Variants in COX6B2 observed in about 807,000 individuals in gnomAD.
COX6B2 encodes the protein cytochrome c oxidase subunit 6B2.
COX6B2 carries 12 observed loss-of-function variants against 13.7 expected under a neutral mutation model. The ratio of observed to expected loss-of-function variants is 0.87; its 90% confidence interval spans 0.56 to 1.41. COX6B2 has a LOEUF of 1.41. COX6B2 is among the 40% of genes most tolerant of loss of function. COX6B2 has a pLI of 0.00. For synonymous variants in COX6B2, 56 were observed against 46.6 expected (o/e 1.20, Z -0.82); for missense variants, 130 against 118.3 (o/e 1.10, Z -0.46).
Position 55,353,932 on chromosome 19 carries a change from G to C in COX6B2, c.147C>G (p.Arg49=). Reference sequence around the variant, plus strand: ...ACTCGCAGGGCTGCGTGCTCTTCCCGCGGCGGGTCCTGGTCTTGAGGCAGC... The same window carrying C: ...ACTCGCAGGGCTGCGTGCTCTTCCCCCGGCGGGTCCTGGTCTTGAGGCAGC... ...YHRCLKTRTR[R]GKSTQPCEYY... The change falls in exon 3 of 5, where the codon CGC becomes CGG. Residue 49 remains arginine (R), a synonymous_variant. Coordinates refer to ENST00000326529, the MANE Select transcript of COX6B2 (RefSeq NM_144613.5). 1 of 1,561,034 alleles carries C rather than the reference G, an allele frequency of 6.4e-7. No homozygotes were observed. Among genetic ancestry groups the C allele is most frequent in the Non-Finnish European group, 8.7e-7 (1 of 1,155,032 alleles).
In COX6B2 at chr19:55,353,930, C is replaced by G; in HGVS notation, c.149G>C (p.Gly50Ala). Reference sequence around the variant, plus strand: ...GTACTCGCAGGGCTGCGTGCTCTTCCCGCGGCGGGTCCTGGTCTTGAGGCA... The same window carrying G: ...GTACTCGCAGGGCTGCGTGCTCTTCGCGCGGCGGGTCCTGGTCTTGAGGCA... ...HRCLKTRTRR[G>A]KSTQPCEYYF... Residue 50 changes from glycine (G) to alanine (A), a missense_variant, in exon 3 of 5, where the codon GGG becomes GCG. Coordinates refer to ENST00000326529, the MANE Select transcript of COX6B2 (RefSeq NM_144613.5). The G allele has an allele frequency of 6.4e-7, 1 of 1,561,316 alleles. No individual in the cohort carries two copies. The highest frequency in any genetic ancestry group is 8.7e-7 in the Non-Finnish European group (1 of 1,155,080).
rs193082166 is a variant in COX6B2 at position 55,352,081 on chromosome 19, C to T, written c.*115-1281G>A. The T allele has an allele frequency of 3.9e-5, 6 of 152,422 alleles. No homozygotes were observed. The highest frequency in any genetic ancestry group is 7.2e-5 in the African/African-American group (3 of 41,524). The allele number at this position is 152,422 out of a possible 1,614,324, so 9.4% of individuals were successfully genotyped here. ...TGGCACCCTGTGCTTGGGATGTTAC[C>T]TGGGTGACCTCACCAACTTAGCTCC... On this transcript the variant is annotated intron_variant, in intron 4 of 4. Transcript: ENST00000326529. The surrounding 1 kb of genome is among the most constrained non-coding windows in gnomAD (Gnocchi z 6.2).
In COX6B2 at chr19:55,353,926, C is replaced by A. The variant is rs1247122432; in HGVS notation, c.153G>T (p.Lys51Asn). 1.3e-6 allele frequency: 2 copies of A among 1,568,128 alleles called. No homozygotes were observed. Among genetic ancestry groups the A allele is most frequent in the Non-Finnish European group, 1.7e-6 (2 of 1,159,022 alleles). The change falls in exon 3 of 5, where the codon AAG (lysine) becomes AAT (asparagine). Residue 51 changes from lysine to asparagine, a missense_variant. Coordinates refer to ENST00000326529, the MANE Select transcript of COX6B2 (RefSeq NM_144613.5). ...RCLKTRTRRG[K>N]STQPCEYYFR... The stretch of plus-strand genomic sequence containing the variant: ...AATAGTACTCGCAGGGCTGCGTGCT[C>A]TTCCCGCGGCGGGTCCTGGTCTTGA...
intron 2 of COX6B2, 24 bp downstream of exon 2, chr19:55,354,386 A>C: frequency 6.4e-7 from 1 of 1,559,552 alleles, no homozygotes. Flanking sequence ...TGCTCCTCCC[A>C]TAACCTGGCT....
chr19:55,354,033 T>A, intron 2 of COX6B2, 67 bp from the exon 3 acceptor site: 1 of 1,358,150 alleles, frequency 7.4e-7, no homozygotes, highest in Non-Finnish European at 1.0e-6. Flanking sequence ...CCTCCACTGC[T>A]CGGGCCCTCC....
At chr19:55,353,561 C>T in intron 4 of COX6B2, 46 bp downstream of exon 4, 1 of 703,806 alleles carries the variant, frequency 1.4e-6, no homozygotes, top group Non-Finnish European at 2.4e-6. Context: ...ACCACCACGA[C>T]GCATCGCTGG....
Position 55,353,859 on chromosome 19 carries a change from G to A in COX6B2, c.213+7C>T, listed in dbSNP as rs1296957399. 2.8e-5 allele frequency: 44 copies of A among 1,578,188 alleles called. No homozygotes were observed. Among genetic ancestry groups the A allele is most frequent in the Non-Finnish European group, 3.8e-5 (44 of 1,162,694 alleles). ...CGCCTGGCCCGGCGCCCCCTCTGCC[G>A]ACTCACCCAGCTGATGGGGCACAGC... On this transcript the variant is annotated splice_region_variant and intron_variant, in intron 3 of 4. Coordinates refer to ENST00000326529, the MANE Select transcript of COX6B2 (RefSeq NM_144613.5).
Position 55,354,449 on chromosome 19 carries a change from TGG to T in COX6B2, c.71_72del (p.Pro24GlnfsTer7). On this transcript the variant is annotated frameshift_variant, in exon 2 of 5. Coordinates refer to ENST00000326529, the MANE Select transcript of COX6B2 (RefSeq NM_144613.5). LOFTEE classifies it high-confidence loss of function. ...TAGCAGTTACGGATCTGGTTCTGGC[TGG>T]GGAAGCGCGGGTCGAAGGGCGGCGT... Reference protein sequence around the residue: ...WSTPPFDPRFPSQNQIRNCYQ... With the variant: ...WSTPPFDPRFXSQNQIRNCYQ... The T allele has an allele frequency of 6.2e-7, 1 of 1,614,030 alleles. No homozygotes were observed. The highest frequency in any genetic ancestry group is 1.1e-5 in the South Asian group (1 of 91,082).
intron 4 of COX6B2, among the ~76,000 whole-genome samples, chr19:55,351,234 CATT>C (rs1477890422): frequency 6.6e-6 from 1 of 152,180 alleles, no homozygotes; most frequent in Non-Finnish European, 1.5e-5. Context: ...AGTGAGGTGT[CATT>C]ATTATGTCAT....
rs1234449251 is a variant in COX6B2, at chr19:55,352,991, T to C, written c.*114+616A>G. Reference sequence around the variant, plus strand: ...CTGAGCAGGCTGCTACGCCTGGCTGTGGGTGCGGGTGCCGAAAGCGTGGAC... The same window carrying C: ...CTGAGCAGGCTGCTACGCCTGGCTGCGGGTGCGGGTGCCGAAAGCGTGGAC... On this transcript the variant is annotated intron_variant, in intron 4 of 4. Coordinates refer to ENST00000326529, the MANE Select transcript of COX6B2 (RefSeq NM_144613.5). The surrounding 1 kb of genome is among the most constrained non-coding windows in gnomAD (Gnocchi z 6.2). The C allele has an allele frequency of 6.5e-6, 1 of 153,262 alleles. No homozygotes were observed. Among genetic ancestry groups the C allele is most frequent in the Non-Finnish European group, 1.5e-5 (1 of 68,724 alleles). The allele number at this position is 153,262 out of a possible 1,614,324, so 9.5% of individuals were successfully genotyped here. A position where few individuals can be genotyped will look rare whatever the true frequency, so the allele number is the denominator to read the frequency against.
intron 2 of COX6B2, 184 bp from the exon 3 acceptor site, chr19:55,354,150 A>C (rs1600274873): frequency 1.7e-6 from 1 of 573,744 alleles, no homozygotes; most frequent in Non-Finnish European, 3.0e-6. Flanking sequence ...CCTCCTACCC[A>C]GACCCTGCCC....
intron 4 of COX6B2, 200 bp downstream of exon 4, chr19:55,353,407 G>A (rs1205318405): frequency 4.2e-6 from 2 of 479,816 alleles, no homozygotes; most frequent in Non-Finnish European, 7.6e-6. Context: ...GAATGGAGAG[G>A]GAGAAGGGGG....
In COX6B2 at chr19:55,353,152, G is replaced by A. The variant is rs774677915; in HGVS notation, c.*114+455C>T. 1.2e-4 allele frequency: 19 copies of A among 161,716 alleles called. No homozygotes were observed. In the Middle Eastern group the frequency reaches 9.6e-3, roughly 81 times the overall value. The allele number at this position is 161,716 out of a possible 1,614,324, so 10.0% of individuals were successfully genotyped here. On this transcript the variant is annotated intron_variant, in intron 4 of 4. Coordinates refer to ENST00000326529, the MANE Select transcript of COX6B2 (RefSeq NM_144613.5). ...CCCAGAGAGTGGGGGAGGAAGGGAT[G>A]GAGTCAGCGCTGGGTGGTACAAAGA...
intron 2 of COX6B2, 168 bp from the exon 3 acceptor site, chr19:55,354,134 A>G (rs1179424643): frequency 1.6e-6 from 1 of 614,366 alleles, no homozygotes; most frequent in East Asian, 2.8e-5. Context: ...CCTCCCTCAC[A>G]CTGCTCCTCC....
chr19:55,350,113 G>C lies in COX6B2; in HGVS notation c.*802C>G, dbSNP rs2123210883. ...TTGTACTCCAGCCTGGGTGACAGGA[G>C]CGAAACTCTGTCTCAAAAAAAATAA... On this transcript the variant is annotated 3_prime_UTR_variant, in exon 5 of 5. Coordinates refer to ENST00000326529, the MANE Select transcript of COX6B2 (RefSeq NM_144613.5). The surrounding 1 kb of genome is among the most constrained non-coding windows in gnomAD (Gnocchi z 4.2). The C allele has an allele frequency of 6.6e-6, 1 of 152,264 alleles. No individual in the cohort carries two copies. Among genetic ancestry groups the C allele is most frequent in the Non-Finnish European group, 1.5e-5 (1 of 68,064 alleles). The allele number at this position is 152,264 out of a possible 1,614,324, so 9.4% of individuals were successfully genotyped here. A position where few individuals can be genotyped will look rare whatever the true frequency, so the allele number is the denominator to read the frequency against.
Position 55,353,591 on chromosome 19 carries a change from A to T in COX6B2, c.*114+16T>A. On this transcript the variant is annotated intron_variant, in intron 4 of 4. Transcript: ENST00000326529. ...CGCTGGCTGGGCATTAAGAAGAAAC[A>T]TCAGCAACAGCATACCATTATTCGT... 1 of 850,404 alleles carries T rather than the reference A, an allele frequency of 1.2e-6. No homozygotes were observed. Among genetic ancestry groups the T allele is most frequent in the Non-Finnish European group, 1.8e-6 (1 of 549,256 alleles). The allele number at this position is 850,404 out of a possible 1,614,324, so 52.7% of individuals were successfully genotyped here.
In COX6B2 at chr19:55,350,369, T is replaced by G. The variant is rs935085940; in HGVS notation, c.*546A>C. ...GTCCCCATGGCGGCCAAAGTCAGCTTCTGGCTTGAGCTGGGCAGCACCGGG... is the reference window on the plus strand; with the variant it reads ...GTCCCCATGGCGGCCAAAGTCAGCTGCTGGCTTGAGCTGGGCAGCACCGGG... On this transcript the variant is annotated 3_prime_UTR_variant, in exon 5 of 5. Coordinates refer to ENST00000326529, the MANE Select transcript of COX6B2 (RefSeq NM_144613.5). This position sits in a 1 kb window ranked among gnomAD's most constrained non-coding sequence, Gnocchi z 4.2. The G allele has an allele frequency of 1.3e-5, 2 of 152,376 alleles. No individual in the cohort carries two copies. Among genetic ancestry groups the G allele is most frequent in the African/African-American group, 4.8e-5 (2 of 41,452 alleles). 9.4% of individuals were successfully genotyped at this position (152,376 alleles called of 1,614,324 possible).
At position 55,350,833 on chromosome 19, in the gene COX6B2, A is replaced by G. The variant is rs1360105322; in HGVS notation, c.*115-33T>C. ...TGAAGGTGGAAAGAAGTTTAGTGAA[A>G]CAGGAAATACAACCAGCACTGACCT... On this transcript the variant is annotated intron_variant, in intron 4 of 4. Coordinates refer to ENST00000326529, the MANE Select transcript of COX6B2 (RefSeq NM_144613.5). This position sits in a 1 kb window ranked among gnomAD's most constrained non-coding sequence, Gnocchi z 4.2. The G allele has an allele frequency of 6.6e-6, 1 of 152,438 alleles. No homozygotes were observed. Among genetic ancestry groups the G allele is most frequent in the Non-Finnish European group, 1.5e-5 (1 of 68,206 alleles). 9.4% of individuals were successfully genotyped at this position (152,438 alleles called of 1,614,324 possible). A position where few individuals can be genotyped will look rare whatever the true frequency, so the allele number is the denominator to read the frequency against.
chr19:55,354,304 G>T (rs1387948814), intron 2 of COX6B2, 106 bp downstream of exon 2: 1 of 386,522 alleles, frequency 2.6e-6, no homozygotes, highest in South Asian at 2.1e-5. Flanking sequence ...GGCCCCGCCC[G>T]GCCTCCCACC....
Sources: allele counts gnomAD v4.1 joint callset (sites outside exome capture counted in the v4.1 genomes callset), GRCh38; gene constraint gnomAD v4.1.1; non-coding constraint Gnocchi (gnomAD v3.1); transcripts MANE v1.5; gene names NCBI Gene and HGNC (gene_info 2026-07-23, HGNC 2026-07-21).